Variants in CDKAL1 observed in about 807,000 individuals in gnomAD.
CDKAL1 encodes CDKAL1 threonylcarbamoyladenosine tRNA methylthiotransferase, also known as threonylcarbamoyladenosine tRNA methylthiotransferase.
In CDKAL1, 32 loss-of-function variants were observed where a neutral mutation model predicts 68.2. That is an observed-to-expected ratio of 0.47 (90% confidence interval 0.35 to 0.63). The LOEUF is 0.63. CDKAL1 is among the 30% of genes least tolerant of loss of function. The probability of loss-of-function intolerance (pLI) is 0.00; values close to 1 mark genes in which losing one functional copy is unlikely to be tolerated. For synonymous variants in CDKAL1, 234 were observed against 244.3 expected (o/e 0.96, Z 0.39); for missense variants, 606 against 696.7 (o/e 0.87, Z 1.47).
At chr6:20,765,737 A>G (rs1430998799) in intron 7 of CDKAL1, among the ~76,000 whole-genome samples, 2 of 152,216 alleles carry the variant, frequency 1.3e-5, no homozygotes, top group East Asian at 1.9e-4. Context: ...ATTTTTTTAC[A>G]TCACTTCATT....
rs531593122 is a variant in CDKAL1 at position 21,095,319 on chromosome 6, T to C, written c.1237-13082T>C. On this transcript the variant is annotated intron_variant, in intron 12 of 15. Transcript: ENST00000274695. ...AAGTGGTGGACCTGAGGCATCACTT[T>C]CTGCCTGTTTGCTCATTACTTAAAA... Among the ~76,000 whole-genome samples the C allele has an allele frequency of 3.9e-5, 6 of 152,328 alleles. No individual in the cohort carries two copies. The South Asian group carries it at 1.2e-3, about 32-fold the overall frequency.
chr6:20,826,235 C>T (rs1777497570), intron 8 of CDKAL1, among the ~76,000 whole-genome samples: 1 of 152,138 alleles, frequency 6.6e-6, no homozygotes, highest in Non-Finnish European at 1.5e-5. Flanking sequence ...CATGTTAATA[C>T]AGGGAGGAGG....
intron 11 of CDKAL1, among the ~76,000 whole-genome samples, chr6:21,008,273 A>G (rs1162728934): frequency 1.3e-5 from 2 of 152,280 alleles, no homozygotes; most frequent in Middle Eastern, 6.8e-3. Context: ...TGAGTAGTAG[A>G]TGAAGTTATA....
chr6:20,922,534 TAAC>T (rs1763005114), intron 9 of CDKAL1, among the ~76,000 whole-genome samples: 1 of 152,172 alleles, frequency 6.6e-6, no homozygotes, highest in Non-Finnish European at 1.5e-5. Context: ...TTGTGACAAA[TAAC>T]AGGCAAGCTG....
At position 20,714,735 on chromosome 6, in the gene CDKAL1, T is replaced by C. The variant is rs545393066; in HGVS notation, c.372-24784T>C. 1.6e-4 allele frequency among the ~76,000 whole-genome samples: 24 copies of C among 152,250 alleles called. No individual in the cohort carries two copies. The East Asian group carries it at 4.6e-3, about 29-fold the overall frequency. Reference sequence around the variant, plus strand: ...TATTACCCAATGTTAACTAATGTTTTCCAGTCTAGAATTTTAACTTAACTA... The same window carrying C: ...TATTACCCAATGTTAACTAATGTTTCCCAGTCTAGAATTTTAACTTAACTA... On this transcript the variant is annotated intron_variant, in intron 5 of 15. Coordinates refer to ENST00000274695, the MANE Select transcript of CDKAL1 (RefSeq NM_017774.3).
At chr6:20,895,005 C>T (rs145055381) in intron 9 of CDKAL1, among the ~76,000 whole-genome samples, 4 of 152,180 alleles carry the variant, frequency 2.6e-5, no homozygotes, top group African/African-American at 4.8e-5. Flanking sequence ...CACCTCCTAC[C>T]AGGTTCTCTT....
chr6:21,159,212 A>G (rs1230473006), intron 13 of CDKAL1, among the ~76,000 whole-genome samples: 1 of 151,844 alleles, frequency 6.6e-6, no homozygotes, highest in Non-Finnish European at 1.5e-5. Context: ...GATGATAAAT[A>G]TATTTCCAGG....
intron 13 of CDKAL1, among the ~76,000 whole-genome samples, chr6:21,181,465 T>A (rs1446140654): frequency 6.6e-6 from 1 of 152,216 alleles, no homozygotes; most frequent in Non-Finnish European, 1.5e-5. Flanking sequence ...TCTATTGCCT[T>A]CTCTTTGCCC....
intron 11 of CDKAL1, among the ~76,000 whole-genome samples, chr6:21,014,082 A>G (rs1768166117): frequency 6.6e-6 from 1 of 152,170 alleles, no homozygotes; most frequent in African/African-American, 2.4e-5. Flanking sequence ...GAGTTAAAGA[A>G]GTGTGTGCCC....
chr6:20,958,879 C>G (rs891328512), intron 10 of CDKAL1, among the ~76,000 whole-genome samples: 1 of 151,986 alleles, frequency 6.6e-6, no homozygotes, highest in Admixed American at 6.6e-5. Context: ...TTTTTAAAAA[C>G]AACTTTTACC....
At chr6:20,604,511 A>C (rs528312588) in intron 4 of CDKAL1, among the ~76,000 whole-genome samples, 66 of 152,326 alleles carry the variant, frequency 4.3e-4, no homozygotes, top group African/African-American at 1.5e-3. Context: ...TTCTGCCAGC[A>C]CCACCATCTG....
chr6:21,151,683 AT>A (rs1776417386), intron 13 of CDKAL1, among the ~76,000 whole-genome samples: 1 of 151,938 alleles, frequency 6.6e-6, no homozygotes, highest in Non-Finnish European at 1.5e-5. Context: ...CCCTTATCTC[AT>A]TTCCCCCTTT....
intron 4 of CDKAL1, among the ~76,000 whole-genome samples, chr6:20,646,181 C>T (rs1204953674): frequency 1.3e-5 from 2 of 150,912 alleles, no homozygotes; most frequent in East Asian, 1.9e-4. Flanking sequence ...CTCAGCCTCC[C>T]GAGTAGCTGG....
chr6:20,626,181 T>G (rs1164786853), intron 4 of CDKAL1, among the ~76,000 whole-genome samples: 1 of 152,200 alleles, frequency 6.6e-6, no homozygotes, highest in Non-Finnish European at 1.5e-5. Context: ...CTTTATAACT[T>G]CTTTTTTTCC....
chr6:21,036,943 G>C (rs1472770340), intron 11 of CDKAL1, among the ~76,000 whole-genome samples: 1 of 152,152 alleles, frequency 6.6e-6, no homozygotes, highest in African/African-American at 2.4e-5. Context: ...CATTGAGAAG[G>C]GAAAGGTAGC....
chr6:20,622,886 C>T (rs967971517), intron 4 of CDKAL1, among the ~76,000 whole-genome samples: 1 of 151,878 alleles, frequency 6.6e-6, no homozygotes, highest in Non-Finnish European at 1.5e-5. Context: ...GATGAAGGAG[C>T]TTAATTGATT....
chr6:20,552,986 A>G (rs895098179), intron 4 of CDKAL1, among the ~76,000 whole-genome samples: 7 of 152,214 alleles, frequency 4.6e-5, no homozygotes. Flanking sequence ...GTTTTCGTTA[A>G]TCAAATGGAA....
At chr6:20,946,883 C>T (rs980627471) in intron 9 of CDKAL1, among the ~76,000 whole-genome samples, 2 of 152,140 alleles carry the variant, frequency 1.3e-5, no homozygotes, top group African/African-American at 4.8e-5. Flanking sequence ...AGGCATGAGC[C>T]ACTGCAACTG....
intron 12 of CDKAL1, among the ~76,000 whole-genome samples, chr6:21,102,660 G>C (rs1406140129): frequency 6.6e-6 from 1 of 152,094 alleles, no homozygotes; most frequent in Non-Finnish European, 1.5e-5. Flanking sequence ...GTCTGTTTCT[G>C]TCGTGTAAAC....
Sources: allele counts gnomAD v4.1 joint callset (sites outside exome capture counted in the v4.1 genomes callset), GRCh38; gene constraint gnomAD v4.1.1; transcripts MANE v1.5; gene names NCBI Gene and HGNC (gene_info 2026-07-23, HGNC 2026-07-21).